The following ACIN1 variants were observed in gnomAD, a reference collection of about 807,000 sequenced individuals.
ACIN1 encodes apoptotic chromatin condensation inducer 1, also known as apoptotic chromatin condensation inducer in the nucleus.
In ACIN1, 16 loss-of-function variants were observed where a neutral mutation model predicts 146.6. The ratio of observed to expected loss-of-function variants is 0.11; its 90% CI spans 0.07 to 0.17. ACIN1 has a LOEUF of 0.17. ACIN1 is among the 10% of genes least tolerant of loss of function. The pLI, the probability that ACIN1 is intolerant of heterozygous loss-of-function variation, is 1.00. For synonymous variants in ACIN1, 569 were observed against 582.7 expected, an observed-to-expected ratio of 0.98 and a Z score of 0.34; for missense variants, 1,357 against 1,609.3, an observed-to-expected ratio of 0.84 and a Z score of 2.68.
intron 4 of ACIN1, among the ~76,000 whole-genome samples, chr14:23,083,046 G>T (rs2047990844): frequency 1.4e-5 from 2 of 148,028 alleles, no homozygotes; most frequent in Admixed American, 1.3e-4. Flanking sequence ...GACTAGGTGA[G>T]ATTTTTTTTT....
chr14:23,064,063 T>G, intron 12 of ACIN1, 42 bp downstream of exon 12: 1 of 1,610,804 alleles, frequency 6.2e-7, no homozygotes, highest in Non-Finnish European at 8.5e-7. Context: ...CTGCATCTAC[T>G]GCTCCCACCT....
intron 12 of ACIN1, among the ~76,000 whole-genome samples, 171 bp downstream of exon 12, chr14:23,063,934 T>C (rs2047370809): frequency 6.6e-6 from 1 of 152,192 alleles, no homozygotes; most frequent in South Asian, 2.1e-4. Context: ...ACTTTATTTG[T>C]AACAGGTAGC....
upstream of ACIN1, chr14:23,095,184 A>T (rs553437375): frequency 3.7e-6 from 6 of 1,613,960 alleles, no homozygotes; most frequent in Non-Finnish European, 5.1e-6. Flanking sequence ...CGCCCTTCGA[A>T]CGTACCGAGA....
chr14:23,079,337 T>C (rs1323158890), intron 6 of ACIN1, among the ~76,000 whole-genome samples: 1 of 152,128 alleles, frequency 6.6e-6, no homozygotes, highest in East Asian at 1.9e-4. Flanking sequence ...CAACATTCTA[T>C]CAAGGGACTC....
At chr14:23,078,098 C>T (rs2047845636) in intron 8 of ACIN1, 53 bp downstream of exon 8, 1 of 1,542,422 alleles carries the variant, frequency 6.5e-7, no homozygotes, top group Admixed American at 1.7e-5. Context: ...GAGCGAAGAA[C>T]TATCGCACAC....
chr14:23,068,928 A>G lies in ACIN1; in HGVS notation c.2265+548T>C. On this transcript the variant is annotated intron_variant, in intron 9 of 18. Coordinates refer to ENST00000605057, the MANE Select transcript of ACIN1 (RefSeq NM_001386863.1). This position sits in a 1 kb window ranked among gnomAD's most constrained non-coding sequence, Gnocchi z 4.3. ...CAGGACACAAGATAACATATGCCAAAAAAGGAGGTAGAGGGGTCACAGGTA... is the reference window on the plus strand; with the variant it reads ...CAGGACACAAGATAACATATGCCAAGAAAGGAGGTAGAGGGGTCACAGGTA... The G allele has an allele frequency of 2.0e-6, 2 of 985,492 alleles. No individual in the cohort carries two copies. The highest frequency in any genetic ancestry group is 2.4e-6 in the Non-Finnish European group (2 of 829,982). The allele number at this position is 985,492 out of a possible 1,614,324, so 61.0% of individuals were successfully genotyped here.
chr14:23,058,924 C>G lies in ACIN1; in HGVS notation c.*224G>C. The stretch of plus-strand genomic sequence containing the variant: ...CCTAACCTAGCTCTTGCCTCTCAGA[C>G]TTAATGGGAAATGAGAGGGAGGGTC... On this transcript the variant is annotated 3_prime_UTR_variant, in exon 19 of 19. Transcript: ENST00000605057. 1 of 564,478 alleles carries G rather than the reference C, an allele frequency of 1.8e-6. No homozygotes were observed. The highest frequency in any genetic ancestry group is 3.1e-6 in the Non-Finnish European group (1 of 317,746). The allele number at this position is 564,478 out of a possible 1,614,324, so 35.0% of individuals were successfully genotyped here. A position where few individuals can be genotyped will look rare whatever the true frequency, so the allele number is the denominator to read the frequency against.
intron 8 of ACIN1, chr14:23,071,356 A>AGGGGAGGTGGTGGTGGTGC: frequency 6.6e-7 from 1 of 1,526,522 alleles, no homozygotes; most frequent in Non-Finnish European, 8.8e-7. Context: ...GGTAAATGGA[A>AGGGGAGGTGGTGGTGGTGC]GGGGAGGTGG....
At chr14:23,087,322 T>C (rs998046752) in intron 4 of ACIN1, among the ~76,000 whole-genome samples, 5 of 152,182 alleles carry the variant, frequency 3.3e-5, no homozygotes, top group African/African-American at 1.2e-4. Flanking sequence ...GGGATTCTTA[T>C]CTAAGCCAAG....
At chr14:23,088,270 G>C (rs2048138465) in intron 4 of ACIN1, among the ~76,000 whole-genome samples, 1 of 152,114 alleles carries the variant, frequency 6.6e-6, no homozygotes, top group Admixed American at 6.5e-5. Flanking sequence ...GATCAGCTGA[G>C]GGTCTACTAC....
chr14:23,077,170 G>A (rs550742943), intron 8 of ACIN1, among the ~76,000 whole-genome samples: 1 of 152,312 alleles, frequency 6.6e-6, no homozygotes, highest in East Asian at 1.9e-4. Context: ...CATGTCACCT[G>A]CCCACTACCC....
Position 23,067,565 on chromosome 14 carries a change from C to T in ACIN1, c.2266-1557G>A, listed in dbSNP as rs946603962. 1.5e-5 allele frequency: 15 copies of T among 985,532 alleles called. No homozygotes were observed. The highest frequency in any genetic ancestry group is 1.8e-5 in the Non-Finnish European group (15 of 830,028). The allele number at this position is 985,532 out of a possible 1,614,324, so 61.0% of individuals were successfully genotyped here. A position where few individuals can be genotyped will look rare whatever the true frequency, so the allele number is the denominator to read the frequency against. On this transcript the variant is annotated intron_variant, in intron 9 of 18. Coordinates refer to ENST00000605057, the MANE Select transcript of ACIN1 (RefSeq NM_001386863.1). This position sits in a 1 kb window ranked among gnomAD's most constrained non-coding sequence, Gnocchi z 4.6. Reference sequence around the variant, plus strand: ...CCATGATGTCAAGACAGTTCACTGGCGGTGGCCAGGCTCAGCGAGGGATAG... The same window carrying T: ...CCATGATGTCAAGACAGTTCACTGGTGGTGGCCAGGCTCAGCGAGGGATAG...
Position 23,059,028 on chromosome 14 carries a change from T to G in ACIN1, c.*120A>C, listed in dbSNP as rs532517565. ...GCCACTTTTCCATTTGGTATGTATGTAGGGATAGGTGATGTGAAAGACCCT... is the reference window on the plus strand; with the variant it reads ...GCCACTTTTCCATTTGGTATGTATGGAGGGATAGGTGATGTGAAAGACCCT... On this transcript the variant is annotated 3_prime_UTR_variant, in exon 19 of 19. Transcript: ENST00000605057. 1 of 907,860 alleles carries G rather than the reference T, an allele frequency of 1.1e-6. No homozygotes were observed. Among genetic ancestry groups the G allele is most frequent in the East Asian group, 2.5e-5 (1 of 40,650 alleles). The allele number at this position is 907,860 out of a possible 1,614,324, so 56.2% of individuals were successfully genotyped here.
chr14:23,075,321 CCCT>C (rs1258782039), intron 8 of ACIN1, among the ~76,000 whole-genome samples: 1 of 135,716 alleles, frequency 7.4e-6, no homozygotes, highest in Non-Finnish European at 1.5e-5. Flanking sequence ...TTCTTTCTTC[CCCT>C]TTTTTTTTTT....
In ACIN1 at chr14:23,080,716, G is replaced by C. The variant is rs779741854; in HGVS notation, c.619C>G (p.Arg207Gly). Reference sequence around the variant, plus strand: ...TCTTCCTCCTCTGTTTTCAAATTTCGATCTGCTCTGACCCTTAGGTTTCTG... The same window carrying C: ...TCTTCCTCCTCTGTTTTCAAATTTCCATCTGCTCTGACCCTTAGGTTTCTG... Reference protein sequence around the residue: ...PSRNLRVRADRNLKTEEEEEE... With the variant: ...PSRNLRVRADGNLKTEEEEEE... The change falls in exon 6 of 19, where the codon CGA becomes GGA. Residue 207 changes from arginine to glycine, a missense_variant. This residue lies in a region of ACIN1 where 771 missense variants were observed against 746.6 expected (regional missense o/e 1.03). Coordinates refer to ENST00000605057, the MANE Select transcript of ACIN1 (RefSeq NM_001386863.1). The C allele has an allele frequency of 4.7e-5, 76 of 1,612,964 alleles. No individual in the cohort carries two copies. The highest frequency in any genetic ancestry group is 6.2e-5 in the Non-Finnish European group (73 of 1,179,900).
In ACIN1 at chr14:23,080,514, T is replaced by C; in HGVS notation, c.821A>G (p.Glu274Gly). 1 of 1,614,140 alleles carries C rather than the reference T, an allele frequency of 6.2e-7. No homozygotes were observed. The highest frequency in any genetic ancestry group is 8.5e-7 in the Non-Finnish European group (1 of 1,180,026). Residue 274 changes from glutamate (E) to glycine (G), a missense_variant, in exon 6 of 19, where the codon GAG becomes GGG. Glu to Gly is a moderately conservative substitution (Grantham distance 98). This residue lies in a region of ACIN1 where 771 missense variants were observed against 746.6 expected (regional missense o/e 1.03). Transcript: ENST00000605057. ...AAATCTCCCTCCTCTCTCTAACACC[T>C]CCTGTTCCTGGGATCTTGTTTTGGG... ...ERPKTRSQEQ[E>G]VLERGGRFTR...
At position 23,081,767 on chromosome 14, in the gene ACIN1, C is replaced by A; in HGVS notation, c.506G>T (p.Arg169Leu). 1.9e-6 allele frequency: 3 copies of A among 1,612,930 alleles called. No individual in the cohort carries two copies. Among genetic ancestry groups the A allele is most frequent in the Non-Finnish European group, 2.5e-6 (3 of 1,179,836 alleles). Residue 169 changes from arginine to leucine, a missense_variant, in exon 5 of 19, where the codon CGA becomes CTA. This residue lies in a region of ACIN1 where 771 missense variants were observed against 746.6 expected (regional missense o/e 1.03). Transcript: ENST00000605057. Reference sequence around the variant, plus strand: ...AGTTACCTGTCTGACCCTAGATGATCGTCTTTCTCCTTTCCTTGGTTTCTC... The same window carrying A: ...AGTTACCTGTCTGACCCTAGATGATAGTCTTTCTCCTTTCCTTGGTTTCTC... ...DDEKPRKGER[R>L]SSRVRQARAA... is the part of the protein sequence containing the mutation.
At position 23,064,126 on chromosome 14, in the gene ACIN1, T is replaced by G; in HGVS notation, c.2574A>C (p.Lys858Asn). 1 of 1,614,164 alleles carries G rather than the reference T, an allele frequency of 6.2e-7. No individual in the cohort carries two copies. Among genetic ancestry groups the G allele is most frequent in the Non-Finnish European group, 8.5e-7 (1 of 1,180,046 alleles). Reference sequence around the variant, plus strand: ...TTACCTGAGTGACTGTCCGGCATATTTTCAGCCCCTTGTCATGGGTCCCAT... The same window carrying G: ...TTACCTGAGTGACTGTCCGGCATATGTTCAGCCCCTTGTCATGGGTCCCAT... ...GDDGTHDKGL[K>N]ICRTVTQVVP... is the part of the protein sequence containing the mutation. Residue 858 changes from lysine (K) to asparagine (N), a missense_variant, in exon 12 of 19, where the codon AAA becomes AAC. Lys to Asn is a moderately conservative substitution (Grantham distance 94). This residue lies in a region of ACIN1 where 509 missense variants were observed against 719.6 expected (regional missense o/e 0.71). Coordinates refer to ENST00000605057, the MANE Select transcript of ACIN1 (RefSeq NM_001386863.1).
intron 1 of ACIN1, chr14:23,094,402 T>C (rs897249140): frequency 1.4e-5 from 13 of 913,370 alleles, no homozygotes; most frequent in Non-Finnish European, 1.4e-5. Context: ...TTCACCAAAC[T>C]CTTAACCACC....
Sources: allele counts gnomAD v4.1 joint callset (sites outside exome capture counted in the v4.1 genomes callset), GRCh38; gene constraint gnomAD v4.1.1; regional missense constraint gnomAD v4.1.1; non-coding constraint Gnocchi (gnomAD v3.1); transcripts MANE v1.5; gene names NCBI Gene and HGNC (gene_info 2026-07-23, HGNC 2026-07-21).